The following PKD1 variants were observed in gnomAD, a reference collection of about 807,000 sequenced individuals.
The protein encoded by PKD1 is polycystin 1, transient receptor potential channel interacting.
Under a neutral mutation model 361.7 loss-of-function variants are expected in PKD1, and 81 were observed. That is an observed-to-expected ratio of 0.22 (90% CI 0.19 to 0.27). The LOEUF (loss-of-function observed/expected upper bound fraction) is 0.27. PKD1 is among the 10% of genes least tolerant of loss of function. The pLI is 1.00. For missense variants in PKD1, 6,399 were observed against 6,118.3 expected (o/e 1.05, Z -1.53); for synonymous variants, 3,615 against 2,818.3 (o/e 1.28, Z -8.95).
chr16:2,127,412 C>T (rs892825003), intron 1 of PKD1, among the ~76,000 whole-genome samples: 4 of 152,210 alleles, frequency 2.6e-5, no homozygotes, highest in African/African-American at 9.7e-5. Context: ...AGCCACGCGG[C>T]CCTGCGCTGA....
Position 2,105,322 on chromosome 16 carries a change from C to T in PKD1, c.8016G>A (p.Met2672Ile). Residue 2672 changes from methionine to isoleucine, a missense_variant and splice_region_variant, in exon 21 of 46, where the codon ATG (methionine) becomes ATA (isoleucine). Transcript: ENST00000262304. Reference sequence around the variant, plus strand: ...GGGTGAGCAGGTGGGGCCATCCTACCATGCACTGGGCCAGCGCAGCAGCGA... The same window carrying T: ...GGGTGAGCAGGTGGGGCCATCCTACTATGCACTGGGCCAGCGCAGCAGCGA... ...QQIAAALAQC[M>I]GPSRELVCRS... The T allele has an allele frequency of 6.3e-7, 1 of 1,594,358 alleles. No homozygotes were observed. The highest frequency in any genetic ancestry group is 8.5e-7 in the Non-Finnish European group (1 of 1,178,522).
At chr16:2,120,628 G>C (rs1249627590) in intron 1 of PKD1, among the ~76,000 whole-genome samples, 1 of 152,194 alleles carries the variant, frequency 6.6e-6, no homozygotes, top group African/African-American at 2.4e-5. Flanking sequence ...CTTGAGCCAG[G>C]GAAGTCGAGG....
At chr16:2,132,077 C>G (rs2092888967) in intron 1 of PKD1, 1 of 151,772 alleles carries the variant, frequency 6.6e-6, no homozygotes. Context: ...GTGGAGAAAC[C>G]CCGTCTCTCC....
Position 2,097,855 on chromosome 16 carries a change from G to A in PKD1, c.10167+13C>T. 1.2e-6 allele frequency: 2 copies of A among 1,605,854 alleles called. No individual in the cohort carries two copies. Among genetic ancestry groups the A allele is most frequent in the South Asian group, 1.1e-5 (1 of 90,900 alleles). On this transcript the variant is annotated intron_variant, in intron 31 of 45. Coordinates refer to ENST00000262304, the MANE Select transcript of PKD1 (RefSeq NM_001009944.3). ...CCCCCAGCCCAGCCCAGGACCCCCA[G>A]TAGAGTCCTCACCTCAGCGTGGAGG...
rs11640813 is a variant in PKD1 at position 2,105,490 on chromosome 16, G to A, written c.7864-16C>T. 1.4e-4 allele frequency: 221 copies of A among 1,595,106 alleles called. No individual in the cohort carries two copies. The highest frequency in any genetic ancestry group is 1.7e-4 in the Non-Finnish European group (200 of 1,179,088). Reference sequence around the variant, plus strand: ...CCCGCTCGTACTGGGGCAGGCAGGGGGCACAGCAAGCTGTCAGCAGCGCAG... The same window carrying A: ...CCCGCTCGTACTGGGGCAGGCAGGGAGCACAGCAAGCTGTCAGCAGCGCAG... On this transcript the variant is annotated splice_polypyrimidine_tract_variant and intron_variant, in intron 20 of 45. Transcript: ENST00000262304.
rs775681034 is a variant in PKD1, at chr16:2,110,847, G to C, written c.4320C>G (p.Ser1440=). 2 of 1,611,796 alleles carry C rather than the reference G, an allele frequency of 1.2e-6. No homozygotes were observed. The highest frequency in any genetic ancestry group is 2.2e-5 in the South Asian group (2 of 91,046). ...TGGACGCGGTGACTGTCACAAGATA[G>C]GAGCCTGGGTCTCGGTAGATGAACG... ...EVTFIYRDPG[S]YLVTVTASNN... The change falls in exon 15 of 46, where the codon TCC becomes TCG. Residue 1440 remains serine (S), a synonymous_variant. Transcript: ENST00000262304.
rs576970336 is a variant in PKD1, at chr16:2,102,505, C to T, written c.9077G>A (p.Arg3026Gln). 1.8e-5 allele frequency: 28 copies of T among 1,592,704 alleles called. No homozygotes were observed. Among genetic ancestry groups the T allele is most frequent in the African/African-American group, 6.7e-5 (5 of 74,350 alleles). ...CTCCAGGGGCAGCAGCCCCTCTGTCCGCCACACCATGTCCTCCTCGCTGAA... is the reference window on the plus strand; with the variant it reads ...CTCCAGGGGCAGCAGCCCCTCTGTCTGCCACACCATGTCCTCCTCGCTGAA... Reference protein sequence around the residue: ...QYFSEEDMVWRTEGLLPLEET... With the variant: ...QYFSEEDMVWQTEGLLPLEET... The change falls in exon 25 of 46, where the codon CGG (arginine) becomes CAG (glutamine). Residue 3026 changes from arginine (R) to glutamine (Q), a missense_variant. Arg to Gln is a conservative substitution (Grantham distance 43, BLOSUM62 1). Coordinates refer to ENST00000262304, the MANE Select transcript of PKD1 (RefSeq NM_001009944.3).
At chr16:2,124,305 G>A (rs962786863) in intron 1 of PKD1, among the ~76,000 whole-genome samples, 1 of 152,228 alleles carries the variant, frequency 6.6e-6, no homozygotes, top group Non-Finnish European at 1.5e-5. Flanking sequence ...GTGAACCCCA[G>A]GTCGGGCCCC....
At chr16:2,130,034 C>G (rs2092850397) in intron 1 of PKD1, among the ~76,000 whole-genome samples, 1 of 152,232 alleles carries the variant, frequency 6.6e-6, no homozygotes, top group Admixed American at 6.5e-5. Flanking sequence ...CATCCCTTCC[C>G]CCACCCCTGC....
In PKD1 at chr16:2,114,143, T is replaced by C. The variant is rs775690665; in HGVS notation, c.2853+27A>G. The C allele has an allele frequency of 1.8e-5, 28 of 1,591,762 alleles. 1 individual carries two copies. The East Asian group carries it at 6.0e-4, about 34-fold the overall frequency. ...TGTCTGCAGGCACCTGCCTGGGGGC[T>C]GGTGGTGGAGCCTCGGCCATACTCA... On this transcript the variant is annotated intron_variant, in intron 11 of 45. Transcript: ENST00000262304.
At position 2,118,104 on chromosome 16, in the gene PKD1, G is replaced by A. The variant is rs1415248977; in HGVS notation, c.888C>T (p.Ala296=). 1.9e-6 allele frequency: 3 copies of A among 1,606,086 alleles called. No homozygotes were observed. Among genetic ancestry groups the A allele is most frequent in the Non-Finnish European group, 2.5e-6 (3 of 1,178,370 alleles). Residue 296 remains alanine (A), a synonymous_variant, in exon 5 of 46, where the codon GCC becomes GCT. Coordinates refer to ENST00000262304, the MANE Select transcript of PKD1 (RefSeq NM_001009944.3). The surrounding 1 kb of genome is among the most constrained non-coding windows in gnomAD (Gnocchi z 6.0). The stretch of plus-strand genomic sequence containing the variant: ...AGCGTGTGGCAGTGACAGGGAGCGG[G>A]GCAGCGATGTGGAAGGCTGCTAGCT... The part of the protein sequence containing the change: ...SGQLAAFHIA[A]PLPVTATRWD...
rs765732726 is a variant in PKD1, at chr16:2,091,870, G to A, written c.11448C>T (p.Ser3816=). The change falls in exon 41 of 46, where the codon AGC becomes AGT. Residue 3816 remains serine, a synonymous_variant. Transcript: ENST00000262304. ...WSWGSCAVYD[S]GGYVQELGLS... is the part of the protein sequence containing the mutation. ...GGCCCAGCTCCTGCACGTAGCCCCCGCTGTCATACACGGCACAGGAGCCCC... is the reference window on the plus strand; with the variant it reads ...GGCCCAGCTCCTGCACGTAGCCCCCACTGTCATACACGGCACAGGAGCCCC... The A allele has an allele frequency of 1.9e-5, 30 of 1,610,880 alleles. No individual in the cohort carries two copies. Among genetic ancestry groups the A allele is most frequent in the South Asian group, 9.9e-5 (9 of 90,966 alleles).
intron 30 of PKD1, 48 bp downstream of exon 30, chr16:2,099,596 G>C (rs780332498): frequency 1.3e-6 from 2 of 1,541,866 alleles, no homozygotes; most frequent in South Asian, 1.2e-5. Flanking sequence ...ATGGTGCCGA[G>C]GCCCAGGCTC....
chr16:2,111,210 C>G lies in PKD1; in HGVS notation c.3957G>C (p.Gly1319=). 6.2e-7 allele frequency: 1 copy of G among 1,611,332 alleles called. No homozygotes were observed. Among genetic ancestry groups the G allele is most frequent in the Non-Finnish European group, 8.5e-7 (1 of 1,179,714 alleles). ...PDARLTAYVT[G]NPAHYLFDWT... is the part of the protein sequence containing the mutation. ...AGTCGAAGAGGTAGTGGGCCGGGTT[C>G]CCGGTGACGTAGGCCGTGAGCCGCG... is the stretch of plus-strand genomic sequence containing the variant. The change falls in exon 15 of 46, where the codon GGG becomes GGC. Residue 1319 remains glycine (G), a synonymous_variant. Coordinates refer to ENST00000262304, the MANE Select transcript of PKD1 (RefSeq NM_001009944.3).
Position 2,111,264 on chromosome 16 carries a change from G to C in PKD1, c.3903C>G (p.Pro1301=). ...CAGGCTGCGTGGGGATGCAGGCGGC[G>C]GGTTCAACGCGCAGCACCTCCAGGA... is the stretch of plus-strand genomic sequence containing the variant. The part of the protein sequence containing the change: ...VFVLEVLRVE[P]AACIPTQPDA... The change falls in exon 15 of 46, where the codon CCC becomes CCG. Residue 1301 remains proline, a synonymous_variant. Coordinates refer to ENST00000262304, the MANE Select transcript of PKD1 (RefSeq NM_001009944.3). The C allele has an allele frequency of 6.2e-7, 1 of 1,609,942 alleles. No homozygotes were observed. Among genetic ancestry groups the C allele is most frequent in the Non-Finnish European group, 8.5e-7 (1 of 1,179,558 alleles).
At position 2,123,478 on chromosome 16, in the gene PKD1, G is replaced by A. The variant is rs557834572; in HGVS notation, c.216-4100C>T. ...TGGAGTCCTCACCTCGCTTGCTCCCGTACTTTTTCACGTCTCCATCTGCTT... is the reference window on the plus strand; with the variant it reads ...TGGAGTCCTCACCTCGCTTGCTCCCATACTTTTTCACGTCTCCATCTGCTT... On this transcript the variant is annotated intron_variant, in intron 1 of 45. Coordinates refer to ENST00000262304, the MANE Select transcript of PKD1 (RefSeq NM_001009944.3). 218 of 456,406 alleles carry A rather than the reference G, an allele frequency of 4.8e-4. 1 individual carries two copies. The highest frequency in any genetic ancestry group is 8.1e-4 in the Non-Finnish European group (183 of 226,936). 28.3% of individuals were successfully genotyped at this position (456,406 alleles called of 1,614,324 possible).
rs773466574 is a variant in PKD1 at position 2,109,909 on chromosome 16, G to T, written c.5258C>A (p.Ser1753Tyr). Reference sequence around the variant, plus strand: ...CTCCCAGCTCAGCCCCTCCTCCAAGGACCAAGTGTATACGACACCACTGCC... The same window carrying T: ...CTCCCAGCTCAGCCCCTCCTCCAAGTACCAAGTGTATACGACACCACTGCC... ...AGGSGVVYTW[S>Y]LEEGLSWETS... Residue 1753 changes from serine to tyrosine, a missense_variant, in exon 15 of 46, where the codon TCC becomes TAC. Transcript: ENST00000262304. 1.9e-6 allele frequency: 3 copies of T among 1,610,414 alleles called. No individual in the cohort carries two copies. Among genetic ancestry groups the T allele is most frequent in the Non-Finnish European group, 2.5e-6 (3 of 1,179,726 alleles).
chr16:2,115,500 A>C lies in PKD1; in HGVS notation c.1975T>G (p.Ser659Ala). Residue 659 changes from serine (S) to alanine (A), a missense_variant, in exon 10 of 46, where the codon TCC becomes GCC. Physicochemically the swap from Ser to Ala is moderately conservative, Grantham distance 99. Coordinates refer to ENST00000262304, the MANE Select transcript of PKD1 (RefSeq NM_001009944.3). The stretch of plus-strand genomic sequence containing the variant: ...TTGGCGCAGGCCTGGGGGTGGCAGG[A>C]GGCGTCCAGCGGCAAGCAGATGTTG... ...GANICLPLDA[S>A]CHPQACANGC... is the part of the protein sequence containing the mutation. 3 of 1,601,654 alleles carry C rather than the reference A, an allele frequency of 1.9e-6. No individual in the cohort carries two copies. In the South Asian group the frequency reaches 3.3e-5, roughly 18 times the overall value.
Position 2,111,746 on chromosome 16 carries a change from C to T in PKD1, c.3421G>A (p.Gly1141Ser), listed in dbSNP as rs753385964. 35 of 1,601,154 alleles carry T rather than the reference C, an allele frequency of 2.2e-5. No individual in the cohort carries two copies. Among genetic ancestry groups the T allele is most frequent in the South Asian group, 5.6e-5 (5 of 89,776 alleles). ...TGCGGGTAGAAGGTGACGGGCCGGC[C>T]GGCCACCAGGACGCCGTCACTCACA... ...VGVSDGVLVA[G>S]RPVTFYPHPL... Residue 1141 changes from glycine to serine, a missense_variant, in exon 15 of 46, where the codon GGC (glycine) becomes AGC (serine). Transcript: ENST00000262304.
Sources: allele counts gnomAD v4.1 joint callset (sites outside exome capture counted in the v4.1 genomes callset), GRCh38; gene constraint gnomAD v4.1.1; non-coding constraint Gnocchi (gnomAD v3.1); transcripts MANE v1.5; gene names NCBI Gene and HGNC (gene_info 2026-07-23, HGNC 2026-07-21).